ZCCHC7: variants seen among roughly 807,000 people sequenced by gnomAD.
ZCCHC7 encodes zinc finger CCHC-type containing 7, also known as zinc finger CCHC domain-containing protein 7.
A neutral mutation model predicts 52.0 loss-of-function variants in ZCCHC7; 35 were observed. The observed-to-expected ratio is 0.67, with a 90% CI of 0.51 to 0.89. The LOEUF (loss-of-function observed/expected upper bound fraction) is 0.89, where lower values mean the gene tolerates loss of function less well. Ranked by LOEUF, ZCCHC7 falls within the 40% of genes least tolerant of loss-of-function variation. ZCCHC7 has a pLI of 0.00. For missense variants in ZCCHC7, 574 were observed against 649.1 expected, an observed-to-expected ratio of 0.88 and a Z score of 1.26; for synonymous variants, 217 against 221.5, an observed-to-expected ratio of 0.98 and a Z score of 0.18.
chr9:37,270,975 T>C (rs1217417963), intron 2 of ZCCHC7, among the ~76,000 whole-genome samples: 1 of 152,170 alleles, frequency 6.6e-6, no homozygotes, highest in Non-Finnish European at 1.5e-5. Context: ...AAAAGAATGT[T>C]TGGTTACCCG....
intron 2 of ZCCHC7, among the ~76,000 whole-genome samples, chr9:37,163,122 A>G (rs1051252542): frequency 6.6e-6 from 1 of 151,926 alleles, no homozygotes; most frequent in African/African-American, 2.4e-5. Flanking sequence ...AATCACTTGA[A>G]CCCGGGAGGT....
At chr9:37,168,238 G>T (rs35658342) in intron 2 of ZCCHC7, among the ~76,000 whole-genome samples, 1 of 152,072 alleles carries the variant, frequency 6.6e-6, no homozygotes, top group Non-Finnish European at 1.5e-5. Context: ...TTAATGTCTC[G>T]TGTTTTAAAC....
chr9:37,261,771 G>A (rs1192197252), intron 2 of ZCCHC7, among the ~76,000 whole-genome samples: 1 of 152,070 alleles, frequency 6.6e-6, no homozygotes. Flanking sequence ...AATCAGTATT[G>A]CTTTTGTTCT....
intron 1 of ZCCHC7, 191 bp downstream of exon 1, chr9:37,120,814 C>T (rs953968535): frequency 7.0e-6 from 2 of 286,310 alleles, no homozygotes; most frequent in East Asian, 5.3e-5. Context: ...GGCCGGGCTG[C>T]GGGTCTAGGG....
At chr9:37,158,268 G>A (rs1820919619) in intron 2 of ZCCHC7, among the ~76,000 whole-genome samples, 1 of 152,100 alleles carries the variant, frequency 6.6e-6, no homozygotes, top group South Asian at 2.1e-4. Context: ...GAATGGATAC[G>A]TATGTAGTTA....
chr9:37,347,584 A>C (rs1821071857), intron 6 of ZCCHC7, among the ~76,000 whole-genome samples: 1 of 152,264 alleles, frequency 6.6e-6, no homozygotes, highest in South Asian at 2.1e-4. Context: ...AATTTCAGCT[A>C]TGCCAATATC....
intron 1 of ZCCHC7, among the ~76,000 whole-genome samples, chr9:37,124,019 T>A (rs1273592095): frequency 6.6e-6 from 1 of 152,190 alleles, no homozygotes; most frequent in Non-Finnish European, 1.5e-5. Flanking sequence ...ATGTAGTACA[T>A]TTTTGGCTCT....
intron 2 of ZCCHC7, among the ~76,000 whole-genome samples, chr9:37,197,143 T>C (rs921361433): frequency 8.5e-5 from 13 of 152,122 alleles, no homozygotes; most frequent in Admixed American, 3.3e-4. Flanking sequence ...AAAGCCAAGG[T>C]AGAGGAACTT....
In ZCCHC7 at chr9:37,357,337, C is replaced by T. The variant is rs2118735103; in HGVS notation, c.*69C>T. On this transcript the variant is annotated 3_prime_UTR_variant, in exon 9 of 9. Transcript: ENST00000336755. ...CCTTTGTGTCTATAACCTTCTGGCA[C>T]TGTGTTTATTATCTATGATTAAATA... is the stretch of plus-strand genomic sequence containing the variant. 7.1e-7 allele frequency: 1 copy of T among 1,411,388 alleles called. No homozygotes were observed. The highest frequency in any genetic ancestry group is 9.5e-7 in the Non-Finnish European group (1 of 1,051,448). The allele number at this position is 1,411,388 out of a possible 1,614,324, so 87.4% of individuals were successfully genotyped here. A position where few individuals can be genotyped will look rare whatever the true frequency, so the allele number is the denominator to read the frequency against.
At chr9:37,183,623 G>C (rs1385917806) in intron 2 of ZCCHC7, among the ~76,000 whole-genome samples, 3 of 152,180 alleles carry the variant, frequency 2.0e-5, no homozygotes, top group African/African-American at 7.2e-5. Flanking sequence ...CAAACTAACA[G>C]TTAATTTGCT....
At chr9:37,145,194 T>A (rs902892749) in intron 2 of ZCCHC7, among the ~76,000 whole-genome samples, 30 of 151,974 alleles carry the variant, frequency 2.0e-4, no homozygotes, top group African/African-American at 7.0e-4. Flanking sequence ...AGCAGTACTT[T>A]TAAATTCATT....
intron 2 of ZCCHC7, among the ~76,000 whole-genome samples, chr9:37,278,028 G>GTA (rs1564220870): frequency 1.3e-5 from 1 of 76,276 alleles, no homozygotes; most frequent in Admixed American, 1.1e-4. Flanking sequence ...GTGTGTGTGT[G>GTA]TGTGTGTGTT....
intron 2 of ZCCHC7, among the ~76,000 whole-genome samples, chr9:37,182,269 A>G (rs1291247207): frequency 1.3e-5 from 2 of 152,176 alleles, no homozygotes; most frequent in Non-Finnish European, 2.9e-5. Flanking sequence ...TTTGTTGATA[A>G]TACAGGCACA....
rs151140571 is a variant in ZCCHC7, at chr9:37,283,000, C to T, written c.611-19188C>T. Among the ~76,000 whole-genome samples, 921 of 150,506 alleles carry T rather than the reference C, an allele frequency of 6.1e-3. 4 individuals are homozygous for T. The highest frequency in any genetic ancestry group is 9.6e-3 in the Non-Finnish European group (653 of 67,764). ...GATGGGGAGAAAGGTGTTGAAGCAA[C>T]TCAATCATGCTACTACTAATAGTTC... On this transcript the variant is annotated intron_variant, in intron 2 of 8. Transcript: ENST00000336755.
chr9:37,209,254 A>G (rs1234748927), intron 2 of ZCCHC7, among the ~76,000 whole-genome samples: 1 of 151,974 alleles, frequency 6.6e-6, no homozygotes, highest in African/African-American at 2.4e-5. Context: ...GTTAGCCAGG[A>G]TGGTCTCGAT....
intron 6 of ZCCHC7, among the ~76,000 whole-genome samples, chr9:37,346,088 C>T (rs1448835156): frequency 1.3e-5 from 2 of 152,094 alleles, no homozygotes; most frequent in Non-Finnish European, 2.9e-5. Flanking sequence ...CTGCAACCTC[C>T]GCCTCCCAGG....
Position 37,120,635 on chromosome 9 carries a change from T to G in ZCCHC7, c.-22+12T>G, listed in dbSNP as rs1389607736. ...TCGCAGCTGCGGCAGTGAGTATGTG[T>G]GTGACGGACCCCCGCCGCCCGCGGC... On this transcript the variant is annotated intron_variant, in intron 1 of 8. Coordinates refer to ENST00000336755, the MANE Select transcript of ZCCHC7 (RefSeq NM_032226.3). 2.5e-6 allele frequency: 1 copy of G among 396,048 alleles called. No individual in the cohort carries two copies. 24.5% of individuals were successfully genotyped at this position (396,048 alleles called of 1,614,324 possible). A position where few individuals can be genotyped will look rare whatever the true frequency, so the allele number is the denominator to read the frequency against.
intron 2 of ZCCHC7, among the ~76,000 whole-genome samples, chr9:37,225,913 G>A (rs1395176354): frequency 1.3e-5 from 2 of 152,160 alleles, no homozygotes; most frequent in Non-Finnish European, 2.9e-5. Context: ...ACATTGTACT[G>A]GAAGTCAATT....
intron 2 of ZCCHC7, among the ~76,000 whole-genome samples, chr9:37,214,115 A>T (rs1271146070): frequency 6.6e-6 from 1 of 152,072 alleles, no homozygotes; most frequent in Non-Finnish European, 1.5e-5. Context: ...TCCCCAAGAC[A>T]TCTGAAATCT....
Sources: gnomAD v4.1 joint callset for allele counts (sites outside exome capture counted in the v4.1 genomes callset) on GRCh38, gnomAD v4.1.1 for gene constraint, MANE v1.5 for transcripts, NCBI Gene and HGNC (gene_info 2026-07-23, HGNC 2026-07-21) for gene names.